The following SMAD2 variants were observed in gnomAD, a reference collection of about 807,000 sequenced individuals.
SMAD2 encodes the protein SMAD family member 2.
Under a neutral mutation model 64.4 loss-of-function variants are expected in SMAD2, and 8 were observed. The observed-to-expected ratio is 0.12, with a 90% CI of 0.07 to 0.22. The LOEUF is 0.22. Among genes scored for constraint, SMAD2 ranks in the 10% least tolerant of loss-of-function variants. SMAD2 has a pLI of 1.00. For missense variants in SMAD2, 289 were observed against 561.2 expected (o/e 0.51, Z 4.90); for synonymous variants, 203 against 195.8 (o/e 1.04, Z -0.31).
At chr18:47,877,192 A>G (rs530510161) in intron 2 of SMAD2, among the ~76,000 whole-genome samples, 4 of 151,064 alleles carry the variant, frequency 2.6e-5, no homozygotes, top group African/African-American at 7.3e-5. Flanking sequence ...ATCAAAAGGG[A>G]TAACAACCTA....
intron 8 of SMAD2, among the ~76,000 whole-genome samples, chr18:47,847,663 C>T (rs1359260721): frequency 7.3e-6 from 1 of 137,238 alleles, no homozygotes; most frequent in African/African-American, 2.8e-5. Context: ...CAACATTTCA[C>T]CATTTTTGTC....
In SMAD2 at chr18:47,851,324, G is replaced by C. The variant is rs2144318948; in HGVS notation, c.734C>G (p.Ser245Cys). The change falls in exon 7 of 11, where the codon TCT (serine) becomes TGT (cysteine). Residue 245 changes from serine (S) to cysteine (C), a missense_variant. This residue lies in a region of SMAD2 where 119 missense variants were observed against 156.7 expected (regional missense o/e 0.76). Transcript: ENST00000262160. ...QQLNQSMDTG[S>C]PAELSPTTLS... ...AGTAGTAGGAGATAGTTCTGCTGGAGAGCCTAAAACAAAAGGATTTAAAAA... is the reference window on the plus strand; with the variant it reads ...AGTAGTAGGAGATAGTTCTGCTGGACAGCCTAAAACAAAAGGATTTAAAAA... 1.2e-6 allele frequency: 2 copies of C among 1,606,332 alleles called. No individual in the cohort carries two copies. The highest frequency in any genetic ancestry group is 1.7e-6 in the Non-Finnish European group (2 of 1,173,420).
intron 1 of SMAD2, among the ~76,000 whole-genome samples, chr18:47,913,607 A>G (rs568380690): frequency 6.6e-6 from 1 of 152,374 alleles, no homozygotes; most frequent in South Asian, 2.1e-4. Context: ...CTTTTATTTT[A>G]AAAACTGAAG....
intron 1 of SMAD2, among the ~76,000 whole-genome samples, chr18:47,926,828 T>C (rs1290662911): frequency 6.6e-6 from 1 of 152,098 alleles, no homozygotes; most frequent in Non-Finnish European, 1.5e-5. Flanking sequence ...GAGGAAGAAA[T>C]CATTTGGGAG....
intron 6 of SMAD2, among the ~76,000 whole-genome samples, chr18:47,860,454 A>AT (rs938522654): frequency 3.4e-5 from 5 of 147,212 alleles, no homozygotes; most frequent in Admixed American, 6.7e-5. Flanking sequence ...AAAAAAAAAA[A>AT]TTTTTTTTTG....
rs577642180 is a variant in SMAD2 at position 47,823,972 on chromosome 18, A to C, written c.*17855T>G. 3.1e-4 allele frequency: 47 copies of C among 152,332 alleles called. No homozygotes were observed. The highest frequency in any genetic ancestry group is 1.1e-3 in the African/African-American group (47 of 41,580). The allele number at this position is 152,332 out of a possible 1,614,324, so 9.4% of individuals were successfully genotyped here. ...TTAATAATAGACTCCAGGTGGACTT[A>C]GCCTAAGTGCCACTCCCTTAAAGCC... is the stretch of plus-strand genomic sequence containing the variant. On this transcript the variant is annotated 3_prime_UTR_variant, in exon 11 of 11. Coordinates refer to ENST00000262160, the MANE Select transcript of SMAD2 (RefSeq NM_005901.6).
chr18:47,899,601 T>C (rs775812628), intron 1 of SMAD2, among the ~76,000 whole-genome samples: 1 of 152,192 alleles, frequency 6.6e-6, no homozygotes, highest in African/African-American at 2.4e-5. Context: ...CAATGCATTG[T>C]GTTGCACATA....
At position 47,823,385 on chromosome 18, in the gene SMAD2, G is replaced by A. The variant is rs948382974; in HGVS notation, c.*18442C>T. On this transcript the variant is annotated 3_prime_UTR_variant, in exon 11 of 11. Coordinates refer to ENST00000262160, the MANE Select transcript of SMAD2 (RefSeq NM_005901.6). ...GGGTAACTTTAAGTTTCTGAAGAAA[G>A]CTATATGTACCTGTTATTAGATCAC... 3 of 152,110 alleles carry A rather than the reference G, an allele frequency of 2.0e-5. No individual in the cohort carries two copies. The highest frequency in any genetic ancestry group is 6.5e-5 in the Admixed American group (1 of 15,282). The allele number at this position is 152,110 out of a possible 1,614,324, so 9.4% of individuals were successfully genotyped here. A position where few individuals can be genotyped will look rare whatever the true frequency, so the allele number is the denominator to read the frequency against.
At position 47,837,389 on chromosome 18, in the gene SMAD2, C is replaced by T. The variant is rs1042330523; in HGVS notation, c.*4438G>A. 113 of 191,248 alleles carry T rather than the reference C, an allele frequency of 5.9e-4. No homozygotes were observed. Among genetic ancestry groups the T allele is most frequent in the African/African-American group, 2.4e-3 (103 of 42,852 alleles). 11.8% of individuals were successfully genotyped at this position (191,248 alleles called of 1,614,324 possible). On this transcript the variant is annotated 3_prime_UTR_variant, in exon 11 of 11. Transcript: ENST00000262160. ...CATCCTGGCCAACACGGTGAAACCC[C>T]GTCTCTACTAAAAATACAAAAAATT...
chr18:47,864,797 A>G (rs1368469330), intron 6 of SMAD2, among the ~76,000 whole-genome samples: 2 of 152,164 alleles, frequency 1.3e-5, no homozygotes, highest in Non-Finnish European at 2.9e-5. Context: ...AAAAAGAAAT[A>G]AAAGTATGTG....
At position 47,832,226 on chromosome 18, in the gene SMAD2, TCTC is replaced by T. The variant is rs749847447; in HGVS notation, c.*9598_*9600del. 6.6e-6 allele frequency: 1 copy of T among 152,096 alleles called. No individual in the cohort carries two copies. Among genetic ancestry groups the T allele is most frequent in the Non-Finnish European group, 1.5e-5 (1 of 68,018 alleles). 9.4% of individuals were successfully genotyped at this position (152,096 alleles called of 1,614,324 possible). On this transcript the variant is annotated 3_prime_UTR_variant, in exon 11 of 11. Coordinates refer to ENST00000262160, the MANE Select transcript of SMAD2 (RefSeq NM_005901.6). The stretch of plus-strand genomic sequence containing the variant: ...ATGGATGCTAGGGCCATTATAAAAA[TCTC>T]CTGATACAGAACAGTGTCACTACTT...
At chr18:47,896,468 C>T in intron 2 of SMAD2, 53 bp downstream of exon 2, 1 of 1,575,400 alleles carries the variant, frequency 6.3e-7, no homozygotes, top group Non-Finnish European at 8.7e-7. Flanking sequence ...CAGTAACTTT[C>T]CTTCAGATTC....
chr18:47,870,605 G>A (rs2144385425), intron 2 of SMAD2, 41 bp from the exon 3 acceptor site: 1 of 1,224,922 alleles, frequency 8.2e-7, no homozygotes, highest in Non-Finnish European at 1.2e-6. Flanking sequence ...TGTGAACATG[G>A]AAGCATGGTT....
chr18:47,898,662 T>TTA (rs2144482984), intron 1 of SMAD2, among the ~76,000 whole-genome samples: 1 of 27,486 alleles, frequency 3.6e-5, no homozygotes, highest in South Asian at 1.6e-3. Context: ...GGAAGAATAA[T>TTA]TTTTTTTTTT....
Position 47,877,647 on chromosome 18 carries a change from AATG to A in SMAD2, c.237-7086_237-7084del, listed in dbSNP as rs2032341873. ...TTTGATTAAACTTAAATTTTTAATC[AATG>A]ATTAAGAATGATAGCCTTTTATTTG... On this transcript the variant is annotated intron_variant, in intron 2 of 10. Transcript: ENST00000262160. 2.0e-5 allele frequency among the ~76,000 whole-genome samples: 3 copies of A among 152,156 alleles called. No individual in the cohort carries two copies. The South Asian group carries it at 6.2e-4, about 32-fold the overall frequency.
chr18:47,856,144 T>G (rs2030658857), intron 6 of SMAD2, among the ~76,000 whole-genome samples: 2 of 150,928 alleles, frequency 1.3e-5, no homozygotes, highest in African/African-American at 4.9e-5. Flanking sequence ...ATGTGGGGTT[T>G]TTTTTTTTTA....
Position 47,827,544 on chromosome 18 carries a change from T to G in SMAD2, c.*14283A>C, listed in dbSNP as rs1316852657. On this transcript the variant is annotated 3_prime_UTR_variant, in exon 11 of 11. Transcript: ENST00000262160. ...CTCTGATGCCGAGCCAAGGCTGGAC[T>G]GTACTGCCGCCATCTCGGCTCACTG... 1 of 152,664 alleles carries G rather than the reference T, an allele frequency of 6.6e-6. No individual in the cohort carries two copies. Among genetic ancestry groups the G allele is most frequent in the Non-Finnish European group, 1.5e-5 (1 of 68,388 alleles). The allele number at this position is 152,664 out of a possible 1,614,324, so 9.5% of individuals were successfully genotyped here.
intron 1 of SMAD2, among the ~76,000 whole-genome samples, chr18:47,899,510 C>G (rs1164739011): frequency 6.6e-6 from 1 of 152,130 alleles, no homozygotes; most frequent in Non-Finnish European, 1.5e-5. Context: ...AGCAACACAA[C>G]ATGGTAACAC....
intron 1 of SMAD2, among the ~76,000 whole-genome samples, chr18:47,917,014 T>C (rs566322654): frequency 1.3e-5 from 2 of 152,300 alleles, no homozygotes; most frequent in East Asian, 3.9e-4. Context: ...AGAGTCTCGC[T>C]GACACTATTT....
Sources: gnomAD v4.1 joint callset for allele counts (sites outside exome capture counted in the v4.1 genomes callset) on GRCh38, gnomAD v4.1.1 for gene constraint, gnomAD v4.1.1 regional missense constraint, MANE v1.5 for transcripts, NCBI Gene and HGNC (gene_info 2026-07-23, HGNC 2026-07-21) for gene names.